The following ANKS1A variants were observed in gnomAD, a reference collection of about 807,000 sequenced individuals.
ANKS1A encodes the protein ankyrin repeat and SAM domain-containing protein 1A.
A neutral mutation model predicts 120.3 loss-of-function variants in ANKS1A; 55 were observed. The observed-to-expected ratio is 0.46, with a 90% CI of 0.37 to 0.57. The LOEUF (loss-of-function observed/expected upper bound fraction) is 0.57. ANKS1A is among the 20% of genes least tolerant of loss of function. ANKS1A has a pLI of 0.00. For synonymous variants in ANKS1A, 590 were observed against 604.7 expected (o/e 0.98, Z 0.36); for missense variants, 1,123 against 1,480.3 (o/e 0.76, Z 3.96).
In ANKS1A at chr6:34,982,201, C is replaced by T. The variant is rs1771941084; in HGVS notation, c.732+215C>T. Among the ~76,000 whole-genome samples, 1 of 152,086 alleles carries T rather than the reference C, an allele frequency of 6.6e-6. No individual in the cohort carries two copies. Among genetic ancestry groups the T allele is most frequent in the African/African-American group, 2.4e-5 (1 of 41,396 alleles). On this transcript the variant is annotated intron_variant, in intron 4 of 23. Transcript: ENST00000360359. This position sits in a 1 kb window ranked among gnomAD's most constrained non-coding sequence, Gnocchi z 4.9. The stretch of plus-strand genomic sequence containing the variant: ...TTTTGTTTCTTTTCAGGGGGTAATC[C>T]GTAGTCATTAAACCCTGAAAAGATG...
intron 19 of ANKS1A, 24 bp from the exon 20 acceptor site, chr6:35,083,393 A>C (rs372799319): frequency 3.7e-5 from 60 of 1,612,086 alleles, no homozygotes; most frequent in Non-Finnish European, 4.8e-5. Flanking sequence ...GGGCACTGAC[A>C]GGGCCACCCC....
chr6:34,938,770 A>G (rs775786579), intron 1 of ANKS1A, among the ~76,000 whole-genome samples: 1 of 151,798 alleles, frequency 6.6e-6, no homozygotes, highest in Non-Finnish European at 1.5e-5. Flanking sequence ...CAGGTGGATC[A>G]TGAAGTCAGG....
At chr6:34,936,786 T>C (rs1056574163) in intron 1 of ANKS1A, among the ~76,000 whole-genome samples, 1 of 152,232 alleles carries the variant, frequency 6.6e-6, no homozygotes, top group Non-Finnish European at 1.5e-5. Flanking sequence ...ATGTGAAATA[T>C]ATTCCCCGTG....
chr6:34,994,201 T>C, intron 9 of ANKS1A, 101 bp from the exon 10 acceptor site: 1 of 1,447,774 alleles, frequency 6.9e-7, no homozygotes, highest in African/African-American at 1.4e-5. Flanking sequence ...CCACCTTTCT[T>C]CTTTGATGAA....
chr6:34,930,269 A>G (rs965962046), intron 1 of ANKS1A, among the ~76,000 whole-genome samples: 16 of 152,172 alleles, frequency 1.1e-4, no homozygotes, highest in Admixed American at 9.2e-4. Context: ...GGGGGGACTT[A>G]GAGGTGGTAG....
intron 2 of ANKS1A, among the ~76,000 whole-genome samples, chr6:34,969,342 C>T (rs1771066305): frequency 6.6e-6 from 1 of 152,202 alleles, no homozygotes. Context: ...CAACCTCTGC[C>T]TCCTGGGTTC....
chr6:35,079,636 G>C lies in ANKS1A; in HGVS notation c.2404G>C (p.Val802Leu). The change falls in exon 15 of 24, where the codon GTG becomes CTG. Residue 802 changes from valine (V) to leucine (L), a missense_variant. Physicochemically the swap from Val to Leu is conservative, Grantham distance 32. Coordinates refer to ENST00000360359, the MANE Select transcript of ANKS1A (RefSeq NM_015245.3). ...LSSGYSSIDT[V>L]KNLWELELVN... is the part of the protein sequence containing the mutation. ...AAGTGGTTACAGCTCCATTGACACC[G>C]TGAAGAACCTCTGGGAGCTAGAGCT... The C allele has an allele frequency of 3.1e-6, 5 of 1,614,162 alleles. No individual in the cohort carries two copies. Among genetic ancestry groups the C allele is most frequent in the Non-Finnish European group, 4.2e-6 (5 of 1,180,014 alleles).
intron 1 of ANKS1A, among the ~76,000 whole-genome samples, chr6:34,937,970 C>A (rs1164624122): frequency 2.6e-5 from 4 of 152,024 alleles, no homozygotes; most frequent in Non-Finnish European, 5.9e-5. Flanking sequence ...TTAAATGATG[C>A]TTCCACAGCT....
intron 1 of ANKS1A, among the ~76,000 whole-genome samples, chr6:34,896,604 A>AT (rs1382814011): frequency 6.6e-6 from 1 of 152,226 alleles, no homozygotes; most frequent in Non-Finnish European, 1.5e-5. Context: ...TGAGTAAGGC[A>AT]TTTACTTAGA....
chr6:34,898,066 A>G (rs1172572981), intron 1 of ANKS1A, among the ~76,000 whole-genome samples: 1 of 152,220 alleles, frequency 6.6e-6, no homozygotes, highest in Non-Finnish European at 1.5e-5. Context: ...GATGTAAGGC[A>G]TATAATGCCT....
chr6:34,955,588 T>C (rs924294790), intron 1 of ANKS1A, among the ~76,000 whole-genome samples: 10 of 152,270 alleles, frequency 6.6e-5, no homozygotes, highest in Admixed American at 3.9e-4. Context: ...TTCCCAGCAT[T>C]CTCCAGATAT....
chr6:34,919,152 T>G (rs187816809), intron 1 of ANKS1A, among the ~76,000 whole-genome samples: 1 of 152,300 alleles, frequency 6.6e-6, no homozygotes, highest in East Asian at 1.9e-4. Flanking sequence ...CTCCCAGCCT[T>G]ATATACACTT....
chr6:35,008,165 A>T (rs1002955745), intron 10 of ANKS1A, among the ~76,000 whole-genome samples: 3 of 152,206 alleles, frequency 2.0e-5, no homozygotes, highest in African/African-American at 7.2e-5. Flanking sequence ...AAACATATCA[A>T]TGAGACAGTT....
intron 1 of ANKS1A, among the ~76,000 whole-genome samples, chr6:34,892,789 A>G (rs1394259295): frequency 2.0e-5 from 3 of 152,134 alleles, no homozygotes; most frequent in Non-Finnish European, 4.4e-5. Flanking sequence ...CCTAGCTTTC[A>G]CAGTTGATCG....
intron 13 of ANKS1A, among the ~76,000 whole-genome samples, chr6:35,068,603 A>C: frequency 6.6e-6 from 1 of 151,608 alleles, no homozygotes; most frequent in Non-Finnish European, 1.5e-5. Flanking sequence ...CCCGCCACAT[A>C]CCCCCTCTCC....
chr6:35,081,999 C>T (rs1422669864), intron 17 of ANKS1A, among the ~76,000 whole-genome samples: 1 of 152,240 alleles, frequency 6.6e-6, no homozygotes, highest in African/African-American at 2.4e-5. Flanking sequence ...TTTCTACAAG[C>T]ACAGCCATGA....
chr6:34,985,515 C>G (rs1772149354), intron 8 of ANKS1A, among the ~76,000 whole-genome samples: 1 of 152,214 alleles, frequency 6.6e-6, no homozygotes, highest in African/African-American at 2.4e-5. Context: ...GTATAAGCAG[C>G]TTGCATCTTT....
chr6:34,900,073 AT>A (rs1718506535), intron 1 of ANKS1A, among the ~76,000 whole-genome samples: 1 of 152,250 alleles, frequency 6.6e-6, no homozygotes, highest in African/African-American at 2.4e-5. Flanking sequence ...AGGGCTTTAC[AT>A]ACATGTATTT....
At chr6:34,922,259 T>C (rs1029076798) in intron 1 of ANKS1A, among the ~76,000 whole-genome samples, 5 of 152,214 alleles carry the variant, frequency 3.3e-5, no homozygotes, top group Non-Finnish European at 7.3e-5. Context: ...TTGGCACTGT[T>C]ATCCCCATTT....
Sources: allele counts gnomAD v4.1 joint callset (sites outside exome capture counted in the v4.1 genomes callset), GRCh38; gene constraint gnomAD v4.1.1; non-coding constraint Gnocchi (gnomAD v3.1); transcripts MANE v1.5; gene names NCBI Gene and HGNC (gene_info 2026-07-23, HGNC 2026-07-21).